Variants in LAMB4 observed in about 807,000 individuals in gnomAD.
The protein encoded by LAMB4 is laminin subunit beta 4, also known as laminin subunit beta-4.
LAMB4 carries 196 observed loss-of-function variants against 199.2 expected under a neutral mutation model. The observed-to-expected ratio is 0.98, with a 90% confidence interval of 0.88 to 1.11. The LOEUF is 1.11. LAMB4 is among the 50% of genes least tolerant of loss of function. LAMB4 has a pLI of 0.00. For synonymous variants in LAMB4, 744 were observed against 770.6 expected (o/e 0.97, Z 0.57); for missense variants, 2,080 against 2,171.2 (o/e 0.96, Z 0.83).
At chr7:108,022,583 A>AT (rs946387365), downstream of LAMB4, among the ~76,000 whole-genome samples, 12 of 151,624 alleles carry the variant, frequency 7.9e-5, no homozygotes, top group Admixed American at 5.3e-4. Context: ...ACATATATAG[A>AT]TTTTTTTTTA....
intron 33 of LAMB4, chr7:108,026,935 AG>A (rs1399842066): frequency 1.9e-6 from 1 of 516,518 alleles, no homozygotes; most frequent in Admixed American, 2.0e-5. Flanking sequence ...AAAAGAGAAA[AG>A]GCAGTAGAAT....
intron 2 of LAMB4, among the ~76,000 whole-genome samples, chr7:108,120,359 GT>G (rs2038557606): frequency 6.6e-6 from 1 of 152,120 alleles, no homozygotes; most frequent in African/African-American, 2.4e-5. Flanking sequence ...TATTAGGCAT[GT>G]AACAGACATG....
chr7:108,024,081 T>G lies in LAMB4; in HGVS notation c.5244A>C (p.Glu1748Asp). 1.2e-6 allele frequency: 2 copies of G among 1,609,278 alleles called. No individual in the cohort carries two copies. Among genetic ancestry groups the G allele is most frequent in the Non-Finnish European group, 1.7e-6 (2 of 1,177,964 alleles). ...LEDQVVAIKN[E>D]IVEQEKKYAR... Reference sequence around the variant, plus strand: ...CATATTTTTTTTCTTGTTCAACAATTTCATTTTTAATGGCAACAACTTGAT... The same window carrying G: ...CATATTTTTTTTCTTGTTCAACAATGTCATTTTTAATGGCAACAACTTGAT... Residue 1748 changes from glutamate to aspartate, a missense_variant, in exon 34 of 34, where the codon GAA (glutamate) becomes GAC (aspartate). By Grantham distance (45) the Glu-to-Asp change is conservative (BLOSUM62 2). Coordinates refer to ENST00000388781, the MANE Select transcript of LAMB4 (RefSeq NM_007356.3).
chr7:108,043,995 C>A, intron 28 of LAMB4, 99 bp from the exon 29 acceptor site: 1 of 991,090 alleles, frequency 1.0e-6, no homozygotes, highest in South Asian at 1.7e-5. Context: ...ATAAAACTGT[C>A]ACTAAAAACT....
At chr7:108,046,671 A>G (rs2035637360) in intron 28 of LAMB4, among the ~76,000 whole-genome samples, 1 of 152,128 alleles carries the variant, frequency 6.6e-6, no homozygotes, top group Non-Finnish European at 1.5e-5. Context: ...TCAAATCATT[A>G]TAGATTTAAT....
At chr7:108,016,894 A>G in the LAMB4 span, among the ~76,000 whole-genome samples, 1 of 152,204 alleles carries the variant, frequency 6.6e-6, no homozygotes, top group African/African-American at 2.4e-5. Context: ...AGAGCTTTGA[A>G]ATATAGCACA....
At chr7:108,041,807 A>T (rs1291428939) in intron 29 of LAMB4, among the ~76,000 whole-genome samples, 1 of 152,120 alleles carries the variant, frequency 6.6e-6, no homozygotes, top group Non-Finnish European at 1.5e-5. Context: ...TAAGCTTAAT[A>T]CTTGGGTGAT....
intron 26 of LAMB4, among the ~76,000 whole-genome samples, chr7:108,049,765 G>C (rs1039730839): frequency 2.2e-4 from 34 of 152,332 alleles, no homozygotes; most frequent in African/African-American, 8.2e-4. Flanking sequence ...GATGTGGTGT[G>C]AGTCCTGGCT....
downstream of LAMB4, chr7:108,023,487 TG>T (rs1289298369): frequency 2.0e-5 from 3 of 152,226 alleles, no homozygotes; most frequent in Non-Finnish European, 4.4e-5. Flanking sequence ...CAGTTCTACT[TG>T]GGGAAAACAG....
At chr7:108,019,160 A>G (rs2034640662), downstream of LAMB4, among the ~76,000 whole-genome samples, 1 of 152,160 alleles carries the variant, frequency 6.6e-6, no homozygotes, top group Admixed American at 6.5e-5. Flanking sequence ...AGTCCAATTC[A>G]GGGCTAAAAT....
rs778916207 is a variant in LAMB4, at chr7:108,104,569, C to T, written c.921G>A (p.Glu307=). 6.2e-7 allele frequency: 1 copy of T among 1,614,238 alleles called. No individual in the cohort carries two copies. Among genetic ancestry groups the T allele is most frequent in the Non-Finnish European group, 8.5e-7 (1 of 1,180,044 alleles). ...CQHNTDGPNC[E]RCKDFFQDAP... The stretch of plus-strand genomic sequence containing the variant: ...CATCCTGGAAGAAGTCCTTGCATCT[C>T]TCACAGTTCGGACCATCTGTATTGT... The change falls in exon 9 of 34, where the codon GAG becomes GAA. Residue 307 remains glutamate (E), a synonymous_variant. Transcript: ENST00000388781.
chr7:108,063,711 G>T, intron 22 of LAMB4, 50 bp downstream of exon 22: 1 of 1,469,450 alleles, frequency 6.8e-7, no homozygotes, highest in Non-Finnish European at 9.5e-7. Context: ...ACACACTTAT[G>T]AGCTGTCACT....
rs1168538110 is a variant in LAMB4, at chr7:108,104,506, A to G, written c.984T>C (p.Ala328=). The change falls in exon 9 of 34, where the codon GCT becomes GCC. Residue 328 remains alanine (A), a synonymous_variant. Coordinates refer to ENST00000388781, the MANE Select transcript of LAMB4 (RefSeq NM_007356.3). ...GAACTGAGTTTCACCCACATCTGCA[A>G]GCGTTGTCCTGGAGGTCTGCAGCTG... The part of the protein sequence containing the change: ...WRPAADLQDN[A]CRSCSCNSHS... The G allele has an allele frequency of 6.2e-7, 1 of 1,614,148 alleles. No homozygotes were observed. The highest frequency in any genetic ancestry group is 1.7e-5 in the Admixed American group (1 of 60,010).
chr7:108,092,084 C>T (rs1453345697), intron 13 of LAMB4, among the ~76,000 whole-genome samples: 2 of 151,960 alleles, frequency 1.3e-5, no homozygotes, highest in Non-Finnish European at 2.9e-5. Flanking sequence ...TGGCAAAAAG[C>T]TGGTGTTTTA....
intron 2 of LAMB4, among the ~76,000 whole-genome samples, chr7:108,122,041 T>A (rs1320099596): frequency 3.9e-5 from 6 of 152,158 alleles, no homozygotes; most frequent in Non-Finnish European, 8.8e-5. Flanking sequence ...AAATGTACGA[T>A]TGATTGCAGT....
chr7:108,044,980 GAAAAGAAAA>G (rs1375207625), intron 28 of LAMB4, among the ~76,000 whole-genome samples: 66 of 127,788 alleles, frequency 5.2e-4, no homozygotes, highest in South Asian at 2.0e-3. Flanking sequence ...AAAAAGAAAA[GAAAAGAAAA>G]AAAAGAAAAA....
chr7:108,091,637 G>T lies in LAMB4; in HGVS notation c.1690C>A (p.Leu564Met). 1.2e-6 allele frequency: 2 copies of T among 1,613,744 alleles called. No individual in the cohort carries two copies. The highest frequency in any genetic ancestry group is 8.5e-7 in the Non-Finnish European group (1 of 1,179,910). ...AATGAAATACGAACCAAAGGCGCCA[G>T]TCCTTGGAGTGTTGTGGCTTCCTCT... ...EAEEATTLQGLAPLGSETFGQ... is the reference protein window; with the variant it reads ...EAEEATTLQGMAPLGSETFGQ... Residue 564 changes from leucine (L) to methionine (M), a missense_variant, in exon 14 of 34, where the codon CTG (leucine) becomes ATG (methionine). By Grantham distance (15) the Leu-to-Met change is conservative. Transcript: ENST00000388781.
At position 108,091,633 on chromosome 7, in the gene LAMB4, G is replaced by T. The variant is rs751341327; in HGVS notation, c.1694C>A (p.Ala565Glu). Residue 565 changes from alanine (A) to glutamate (E), a missense_variant, in exon 14 of 34, where the codon GCG becomes GAG. Coordinates refer to ENST00000388781, the MANE Select transcript of LAMB4 (RefSeq NM_007356.3). Reference sequence around the variant, plus strand: ...AGTAAATGAAATACGAACCAAAGGCGCCAGTCCTTGGAGTGTTGTGGCTTC... The same window carrying T: ...AGTAAATGAAATACGAACCAAAGGCTCCAGTCCTTGGAGTGTTGTGGCTTC... The part of the protein sequence containing the change: ...AEEATTLQGL[A>E]PLGSETFGQS... The T allele has an allele frequency of 1.2e-6, 2 of 1,613,052 alleles. No homozygotes were observed. The highest frequency in any genetic ancestry group is 1.1e-5 in the South Asian group (1 of 90,930).
Position 108,079,926 on chromosome 7 carries a change from A to C in LAMB4, c.1702-140T>G, listed in dbSNP as rs1048090079. 4.9e-6 allele frequency: 3 copies of C among 609,240 alleles called. No individual in the cohort carries two copies. In the African/African-American group the frequency reaches 5.6e-5, roughly 11 times the overall value. The allele number at this position is 609,240 out of a possible 1,614,324, so 37.7% of individuals were successfully genotyped here. A position where few individuals can be genotyped will look rare whatever the true frequency, so the allele number is the denominator to read the frequency against. Reference sequence around the variant, plus strand: ...ATATGAGTCACAGATAAATTATTCTAAGCAGGATACAGTCCAGAATCCAGC... The same window carrying C: ...ATATGAGTCACAGATAAATTATTCTCAGCAGGATACAGTCCAGAATCCAGC... On this transcript the variant is annotated intron_variant, in intron 14 of 33. Coordinates refer to ENST00000388781, the MANE Select transcript of LAMB4 (RefSeq NM_007356.3).
Sources: allele counts gnomAD v4.1 joint callset (sites outside exome capture counted in the v4.1 genomes callset), GRCh38; gene constraint gnomAD v4.1.1; transcripts MANE v1.5; gene names NCBI Gene and HGNC (gene_info 2026-07-23, HGNC 2026-07-21).